C2orf80: variants seen among roughly 807,000 people sequenced by gnomAD.
C2orf80 encodes the protein uncharacterized protein C2orf80.
A neutral mutation model predicts 30.2 loss-of-function variants in C2orf80; 28 were observed. That is an observed-to-expected ratio of 0.93 (90% CI 0.69 to 1.27). C2orf80 has a LOEUF of 1.27. Among genes scored for constraint, C2orf80 ranks in the 50% most tolerant of loss-of-function variants. C2orf80 has a pLI of 0.00. For missense variants in C2orf80, 220 were observed against 231.0 expected (o/e 0.95, Z 0.31); for synonymous variants, 80 against 76.4 (o/e 1.05, Z -0.24).
At position 208,181,256 on chromosome 2, in the gene C2orf80, C is replaced by G. The variant is rs1341155360; in HGVS notation, c.256G>C (p.Glu86Gln). Residue 86 changes from glutamate to glutamine, a missense_variant, in exon 5 of 9, where the codon GAA (glutamate) becomes CAA (glutamine). Coordinates refer to ENST00000341287, the MANE Select transcript of C2orf80 (RefSeq NM_001099334.3). ...GCATAAGATGATAAAATCATAGCTT[C>G]TCGTTCTCTACGATTTGGATATATG... is the stretch of plus-strand genomic sequence containing the variant. ...RPIYPNRRER[E>Q]AMILSSYAGI... The G allele has an allele frequency of 6.2e-7, 1 of 1,611,380 alleles. No individual in the cohort carries two copies. Among genetic ancestry groups the G allele is most frequent in the African/African-American group, 1.3e-5 (1 of 74,932 alleles).
At chr2:208,176,946 T>TACATATGTGC (rs1696345280) in intron 6 of C2orf80, among the ~76,000 whole-genome samples, 1 of 80,914 alleles carries the variant, frequency 1.2e-5, no homozygotes, top group Non-Finnish European at 2.7e-5. Flanking sequence ...CATATCTGTA[T>TACATATGTGC]ACATATCTGT....
At chr2:208,187,129 C>G (rs1295573626) in intron 1 of C2orf80, 68 bp from the exon 2 acceptor site, 1 of 744,502 alleles carries the variant, frequency 1.3e-6, no homozygotes, top group Admixed American at 2.5e-5. Flanking sequence ...TCATGGAGTC[C>G]TAGGCTCTGG....
At chr2:208,181,142 TA>T in intron 5 of C2orf80, 75 bp downstream of exon 5, 1 of 1,027,850 alleles carries the variant, frequency 9.7e-7, no homozygotes, top group South Asian at 1.4e-5. Context: ...AAAAATAATG[TA>T]AATATTCATT....
intron 4 of C2orf80, among the ~76,000 whole-genome samples, chr2:208,181,710 T>C (rs1696567385): frequency 6.6e-6 from 1 of 152,104 alleles, no homozygotes; most frequent in African/African-American, 2.4e-5. Flanking sequence ...AAACACACTG[T>C]GGACTGAGCT....
chr2:208,179,306 T>C (rs918794131), intron 6 of C2orf80, among the ~76,000 whole-genome samples: 1 of 152,254 alleles, frequency 6.6e-6, no homozygotes, highest in African/African-American at 2.4e-5. Context: ...ATGTAAACAC[T>C]TGACTTCTAA....
At chr2:208,180,859 G>A (rs934790676) in intron 5 of C2orf80, 43 bp from the exon 6 acceptor site, 4 of 1,538,114 alleles carry the variant, frequency 2.6e-6, no homozygotes, top group Non-Finnish European at 3.6e-6. Context: ...ATCATACCAT[G>A]GCTTTTCTTT....
At chr2:208,183,218 T>C (rs1438862084) in intron 3 of C2orf80, among the ~76,000 whole-genome samples, 171 bp from the exon 4 acceptor site, 1 of 151,920 alleles carries the variant, frequency 6.6e-6, no homozygotes, top group African/African-American at 2.4e-5. Flanking sequence ...TTTTTTTTTT[T>C]CTGAGACCTC....
At chr2:208,166,546 T>C (rs1695893213) in intron 8 of C2orf80, among the ~76,000 whole-genome samples, 1 of 152,248 alleles carries the variant, frequency 6.6e-6, no homozygotes. Flanking sequence ...GCTTTGGATT[T>C]AAATTTAAAT....
chr2:208,187,217 C>T (rs1384260549), intron 1 of C2orf80, among the ~76,000 whole-genome samples, 156 bp from the exon 2 acceptor site: 1 of 152,208 alleles, frequency 6.6e-6, no homozygotes, highest in Non-Finnish European at 1.5e-5. Flanking sequence ...GAGGCTCATG[C>T]ACTGTACTTT....
rs13382551 is a variant in C2orf80 at position 208,181,952 on chromosome 2, T to C, written c.207-647A>G. Among the ~76,000 whole-genome samples the C allele has an allele frequency of 6.1e-3, 927 of 152,302 alleles. 8 individuals carry two copies. The highest frequency in any genetic ancestry group is 0.021 in the African/African-American group (873 of 41,566). ...ACCATGCCTAACACAGTCCTACCCA[T>C]GGACTTTTCAGATACAAGGGCAATA... On this transcript the variant is annotated intron_variant, in intron 4 of 8. Transcript: ENST00000341287.
chr2:208,180,752 GT>G lies in C2orf80; in HGVS notation c.358del (p.Thr120ProfsTer20). ...YGADSSADSG[T>X]IKVPRVSSLC... ...ATCCCAGGTCACCCTTACCTTGATG[GT>G]ACCAGAATCGGCAGAAGAATCAGCC... On this transcript the variant is annotated frameshift_variant, in exon 6 of 9. Transcript: ENST00000341287. LOFTEE classifies it high-confidence loss of function. 7 of 1,613,078 alleles carry G rather than the reference GT, an allele frequency of 4.3e-6. No individual in the cohort carries two copies. Among genetic ancestry groups the G allele is most frequent in the Non-Finnish European group, 5.9e-6 (7 of 1,179,362 alleles).
chr2:208,170,954 T>C lies in C2orf80; in HGVS notation c.564A>G (p.Pro188=). ...ACAATCTCACACCTACTTTGTGCTT[T>C]GGCTGTGTGTCTGAAAACCTTTGTG... ...KSSQRFSDTQ[P]KHKVT is the part of the protein sequence containing the mutation. Residue 188 remains proline, a synonymous_variant, in exon 8 of 9, where the codon CCA becomes CCG. Coordinates refer to ENST00000341287, the MANE Select transcript of C2orf80 (RefSeq NM_001099334.3). 4.3e-6 allele frequency: 7 copies of C among 1,613,644 alleles called. No homozygotes were observed. Among genetic ancestry groups the C allele is most frequent in the Non-Finnish European group, 5.9e-6 (7 of 1,179,528 alleles).
chr2:208,187,277 T>A (rs1357419933), intron 1 of C2orf80, among the ~76,000 whole-genome samples: 1 of 152,188 alleles, frequency 6.6e-6, no homozygotes. Context: ...CAACACTTAT[T>A]TACTTAATTT....
chr2:208,167,873 G>C (rs1435212639), intron 8 of C2orf80, among the ~76,000 whole-genome samples: 1 of 69,098 alleles, frequency 1.4e-5, no homozygotes, highest in African/African-American at 5.4e-5. Context: ...ATCGTGCCTG[G>C]CTGTGATTTT....
In C2orf80 at chr2:208,171,172, G is replaced by T. The variant is rs187979438; in HGVS notation, c.455-109C>A. 3.0e-4 allele frequency: 226 copies of T among 760,720 alleles called. 1 individual carries two copies. The African/African-American group carries it at 3.7e-3, about 12-fold the overall frequency. The allele number at this position is 760,720 out of a possible 1,614,324, so 47.1% of individuals were successfully genotyped here. ...ACTAATTAATTATTTTTGAGACAGG[G>T]TCTCACTTTGTCACTCAGGCTGGAG... On this transcript the variant is annotated intron_variant, in intron 7 of 8. Transcript: ENST00000341287.
intron 3 of C2orf80, among the ~76,000 whole-genome samples, 156 bp from the exon 4 acceptor site, chr2:208,183,203 AT>A (rs71036988): frequency 1.6e-3 from 239 of 145,378 alleles, no homozygotes; most frequent in South Asian, 2.8e-3. Flanking sequence ...GCTCGGCCAG[AT>A]TTTTTTTTTT....
At chr2:208,178,809 G>A (rs1428828822) in intron 6 of C2orf80, among the ~76,000 whole-genome samples, 1 of 152,066 alleles carries the variant, frequency 6.6e-6, no homozygotes, top group East Asian at 1.9e-4. Context: ...CCAGGCTGGA[G>A]TGCAGTGGCA....
chr2:208,172,125 T>A, intron 6 of C2orf80, 50 bp from the exon 7 acceptor site: 1 of 1,374,956 alleles, frequency 7.3e-7, no homozygotes, highest in Non-Finnish European at 1.0e-6. Flanking sequence ...ATCTGCGGCA[T>A]GAACACCTGC....
At chr2:208,189,758 C>T (rs1313644363) in intron 1 of C2orf80, 195 bp downstream of exon 1, 1 of 589,862 alleles carries the variant, frequency 1.7e-6, no homozygotes, top group Non-Finnish European at 3.0e-6. Flanking sequence ...TCAGCTGTCT[C>T]AGGCTTTAGC....
Sources: gnomAD v4.1 joint callset for allele counts (sites outside exome capture counted in the v4.1 genomes callset) on GRCh38, gnomAD v4.1.1 for gene constraint, MANE v1.5 for transcripts, NCBI Gene and HGNC (gene_info 2026-07-23, HGNC 2026-07-21) for gene names.